The following SERINC5 variants were observed in gnomAD, a reference collection of about 807,000 sequenced individuals.
The protein encoded by SERINC5 is chromosome 5 open reading frame 12.
A neutral mutation model predicts 63.1 loss-of-function variants in SERINC5; 41 were observed. That is an observed-to-expected ratio of 0.65 (90% CI 0.51 to 0.84). The LOEUF is 0.84. Ranked by LOEUF, SERINC5 falls within the 40% of genes least tolerant of loss-of-function variation. The pLI, the probability that SERINC5 is intolerant of heterozygous loss-of-function variation, is 0.00. For synonymous variants in SERINC5, 222 were observed against 215.2 expected (o/e 1.03, Z -0.28); for missense variants, 523 against 573.0 (o/e 0.91, Z 0.89).
intron 11 of SERINC5, among the ~76,000 whole-genome samples, chr5:80,121,241 T>C (rs1475648480): frequency 6.6e-6 from 1 of 152,194 alleles, no homozygotes; most frequent in Non-Finnish European, 1.5e-5. Flanking sequence ...TTTAACTGGC[T>C]CATGATTCTA....
At chr5:80,144,373 G>A (rs1745691465) in intron 11 of SERINC5, among the ~76,000 whole-genome samples, 1 of 152,184 alleles carries the variant, frequency 6.6e-6, no homozygotes, top group Non-Finnish European at 1.5e-5. Flanking sequence ...ACGCTCAGGA[G>A]TAGTGGAAGA....
At chr5:80,184,190 C>G (rs139525744) in intron 2 of SERINC5, among the ~76,000 whole-genome samples, 1 of 152,166 alleles carries the variant, frequency 6.6e-6, no homozygotes, top group Non-Finnish European at 1.5e-5. Context: ...TAGGCTGTTT[C>G]ATTTACACAG....
At chr5:80,154,486 G>A (rs930327036) in intron 8 of SERINC5, among the ~76,000 whole-genome samples, 4 of 152,080 alleles carry the variant, frequency 2.6e-5, no homozygotes, top group Admixed American at 2.6e-4. Flanking sequence ...GCCACGGGGT[G>A]GAAGATTTCT....
At chr5:80,234,243 A>T (rs879540280) in intron 1 of SERINC5, among the ~76,000 whole-genome samples, 1 of 152,226 alleles carries the variant, frequency 6.6e-6, no homozygotes, top group Non-Finnish European at 1.5e-5. Flanking sequence ...ATCCACAGCC[A>T]GCTGGAGCAC....
chr5:80,228,995 C>T (rs1396130297), intron 1 of SERINC5, among the ~76,000 whole-genome samples: 1 of 128,260 alleles, frequency 7.8e-6, no homozygotes, highest in African/African-American at 2.9e-5. Flanking sequence ...TCTTTTTTCT[C>T]AAAATACCAC....
intron 1 of SERINC5, among the ~76,000 whole-genome samples, chr5:80,208,960 T>C (rs75306538): frequency 0.11 from 16,342 of 152,206 alleles, 901 homozygotes; most frequent in East Asian, 0.16. Context: ...TATTTGCAGA[T>C]AGGGCCTTTA....
In SERINC5 at chr5:80,130,569, A is replaced by T. The variant is rs79184145; in HGVS notation, c.1238+15521T>A. Among the ~76,000 whole-genome samples, 1,133 of 152,254 alleles carry T rather than the reference A, an allele frequency of 7.4e-3. 11 individuals are homozygous for T. Among genetic ancestry groups the T allele is most frequent in the Non-Finnish European group, 0.011 (726 of 68,018 alleles). ...ATTTGTTTTAAGTTCAGATACTCAA[A>T]TCTCTTCTTTCCAGCACCTATCTTT... On this transcript the variant is annotated intron_variant, in intron 11 of 12. Transcript: ENST00000509193.
downstream of SERINC5, among the ~76,000 whole-genome samples, chr5:80,136,478 G>A (rs557541648): frequency 5.9e-5 from 9 of 152,112 alleles, no homozygotes; most frequent in Non-Finnish European, 1.3e-4. Context: ...GGGAAAACTG[G>A]ATAGCCACAT....
chr5:80,167,109 G>A (rs1747348429), intron 6 of SERINC5: 1 of 152,348 alleles, frequency 6.6e-6, no homozygotes, highest in African/African-American at 2.4e-5. Context: ...TTAGGTTTAG[G>A]GGTGTATGTG....
At chr5:80,202,824 T>C (rs901097339) in intron 2 of SERINC5, 62 bp downstream of exon 2, 11 of 1,515,234 alleles carry the variant, frequency 7.3e-6, no homozygotes, top group Non-Finnish European at 9.0e-6. Flanking sequence ...CTAAATCATG[T>C]TTTTCCCACA....
At chr5:80,248,208 A>T (rs1435159211) in intron 1 of SERINC5, among the ~76,000 whole-genome samples, 3 of 152,198 alleles carry the variant, frequency 2.0e-5, no homozygotes, top group Admixed American at 2.0e-4. Flanking sequence ...CAACAATAAG[A>T]AATAATAAAA....
At chr5:80,172,825 C>T (rs567277211) in intron 5 of SERINC5, among the ~76,000 whole-genome samples, 4 of 152,206 alleles carry the variant, frequency 2.6e-5, no homozygotes, top group East Asian at 3.9e-4. Context: ...CTTCTATTCA[C>T]TAGTCTTTTT....
At chr5:80,192,698 G>A (rs1749263412) in intron 2 of SERINC5, among the ~76,000 whole-genome samples, 1 of 152,172 alleles carries the variant, frequency 6.6e-6, no homozygotes, top group Non-Finnish European at 1.5e-5. Context: ...GAAGACTGCA[G>A]AGACTGTCTC....
intron 1 of SERINC5, among the ~76,000 whole-genome samples, chr5:80,224,231 C>T (rs1196531158): frequency 1.3e-5 from 2 of 151,820 alleles, no homozygotes; most frequent in Non-Finnish European, 2.9e-5. Flanking sequence ...GAGGCTGAGG[C>T]GAGCAGATGG....
Position 80,160,765 on chromosome 5 carries a change from TC to T in SERINC5, c.860-1804del, listed in dbSNP as rs1746829778. Among the ~76,000 whole-genome samples, 3 of 151,976 alleles carry T rather than the reference TC, an allele frequency of 2.0e-5. No homozygotes were observed. In the East Asian group the frequency reaches 5.8e-4, roughly 29 times the overall value. On this transcript the variant is annotated intron_variant, in intron 7 of 11. Transcript: ENST00000507668. ...TGTCCATGTGTACACATTATTTAGCTCCCACTTAAAAGTGAGAACATGCAGT... is the reference window on the plus strand; with the variant it reads ...TGTCCATGTGTACACATTATTTAGCTCCACTTAAAAGTGAGAACATGCAGT...
intron 2 of SERINC5, among the ~76,000 whole-genome samples, chr5:80,191,479 C>CAAAAAAAAAAAAAAAAA (rs1167390197): frequency 7.8e-5 from 3 of 38,498 alleles, no homozygotes; most frequent in Admixed American, 2.7e-4. Flanking sequence ...TCCATCTCTA[C>CAAAAAAAAAAAAAAAAA]AAAAAAAAAA....
downstream of SERINC5, among the ~76,000 whole-genome samples, chr5:80,135,955 G>A (rs7732554): frequency 0.017 from 2,527 of 152,094 alleles, 78 homozygotes; most frequent in African/African-American, 0.058. Context: ...GAGAGGGGAA[G>A]TGGGGAACAG....
intron 2 of SERINC5, among the ~76,000 whole-genome samples, chr5:80,200,971 C>A (rs887689263): frequency 5.3e-5 from 8 of 151,844 alleles, no homozygotes; most frequent in South Asian, 2.1e-4. Flanking sequence ...TGGTGGCACG[C>A]GCCTGTAATC....
chr5:80,154,243 G>A (rs989327414), intron 8 of SERINC5, among the ~76,000 whole-genome samples: 14 of 151,808 alleles, frequency 9.2e-5, no homozygotes, highest in African/African-American at 2.9e-4. Flanking sequence ...GCAATGGCTC[G>A]ATGTCGGCTC....
Sources: gnomAD v4.1 joint callset for allele counts (sites outside exome capture counted in the v4.1 genomes callset) on GRCh38, gnomAD v4.1.1 for gene constraint, MANE v1.5 for transcripts, NCBI Gene and HGNC (gene_info 2026-07-23, HGNC 2026-07-21) for gene names.